The following NRG3 variants were observed in gnomAD, a reference collection of about 807,000 sequenced individuals.
NRG3 encodes the protein neuregulin 3.
NRG3 carries 31 observed loss-of-function variants against 66.9 expected under a neutral mutation model. The observed-to-expected ratio is 0.46, with a 90% CI of 0.35 to 0.63. The LOEUF (loss-of-function observed/expected upper bound fraction) is 0.63. NRG3 is among the 20% of genes least tolerant of loss of function. NRG3 has a pLI of 0.00. For synonymous variants in NRG3, 393 were observed against 359.4 expected, an observed-to-expected ratio of 1.09 and a Z score of -1.06; for missense variants, 910 against 878.9, an observed-to-expected ratio of 1.04 and a Z score of -0.45.
intron 4 of NRG3, among the ~76,000 whole-genome samples, chr10:82,943,939 A>G (rs1459795071): frequency 6.6e-6 from 1 of 152,218 alleles, no homozygotes; most frequent in Non-Finnish European, 1.5e-5. Context: ...GCCTTTATGT[A>G]GGGAGGAAAT....
chr10:81,945,429 A>C (rs1366078408), intron 1 of NRG3, among the ~76,000 whole-genome samples: 1 of 152,152 alleles, frequency 6.6e-6, no homozygotes, highest in Non-Finnish European at 1.5e-5. Flanking sequence ...TAAGAGCCTT[A>C]ACCATAACAC....
chr10:82,743,790 A>C (rs1004449798), intron 3 of NRG3, among the ~76,000 whole-genome samples: 2 of 152,172 alleles, frequency 1.3e-5, no homozygotes, highest in Non-Finnish European at 2.9e-5. Flanking sequence ...AAGCAGACAC[A>C]AGGAGATTTT....
intron 2 of NRG3, among the ~76,000 whole-genome samples, chr10:82,556,201 T>C (rs921841360): frequency 6.6e-6 from 1 of 152,194 alleles, no homozygotes; most frequent in African/African-American, 2.4e-5. Context: ...AGCCTATTTT[T>C]TTTTCTATTC....
At chr10:82,612,572 A>C (rs2048381253) in intron 2 of NRG3, among the ~76,000 whole-genome samples, 1 of 152,188 alleles carries the variant, frequency 6.6e-6, no homozygotes, top group Non-Finnish European at 1.5e-5. Flanking sequence ...ATACTCTAAA[A>C]GTTCTCAAAA....
intron 6 of NRG3, among the ~76,000 whole-genome samples, chr10:82,960,015 G>C (rs946275542): frequency 3.3e-5 from 5 of 152,330 alleles, no homozygotes; most frequent in Admixed American, 1.3e-4. Context: ...CCTAGCATTT[G>C]AGTATAATAG....
intron 1 of NRG3, among the ~76,000 whole-genome samples, chr10:82,029,398 G>T (rs2062462682): frequency 1.3e-5 from 2 of 152,008 alleles, no homozygotes; most frequent in Admixed American, 1.3e-4. Context: ...AAAGTGTTTG[G>T]CATGTAGTAA....
intron 2 of NRG3, among the ~76,000 whole-genome samples, chr10:82,573,648 T>C (rs138131730): frequency 6.6e-4 from 100 of 151,896 alleles, no homozygotes; most frequent in African/African-American, 2.3e-3. Flanking sequence ...ATAGGAGATG[T>C]AGAGATTAGA....
chr10:82,974,037 C>T (rs1354214874), intron 7 of NRG3, 122 bp downstream of exon 7: 1 of 1,101,406 alleles, frequency 9.1e-7, no homozygotes, highest in African/African-American at 1.6e-5. Context: ...TCCTGTAGTT[C>T]TCTGTGGAGT....
intron 2 of NRG3, among the ~76,000 whole-genome samples, chr10:82,632,095 C>A (rs1458478655): frequency 6.6e-6 from 1 of 152,098 alleles, no homozygotes; most frequent in African/African-American, 2.4e-5. Context: ...AAGAGCAAAA[C>A]CCTGTCTCAA....
chr10:81,925,421 A>G (rs148631165), intron 1 of NRG3, among the ~76,000 whole-genome samples: 83 of 152,318 alleles, frequency 5.4e-4, no homozygotes, highest in African/African-American at 1.9e-3. Flanking sequence ...AAGACCTAAC[A>G]TGGCATGATG....
chr10:82,504,040 A>G (rs1844446402), intron 2 of NRG3, among the ~76,000 whole-genome samples: 1 of 152,194 alleles, frequency 6.6e-6, no homozygotes, highest in Non-Finnish European at 1.5e-5. Context: ...CCTGTAGAAG[A>G]TGAACCAAAG....
chr10:82,097,407 C>CATATATATATATCTGTAATAT (rs1203329556), intron 1 of NRG3, among the ~76,000 whole-genome samples: 1 of 139,394 alleles, frequency 7.2e-6, no homozygotes, highest in Non-Finnish European at 1.5e-5. Context: ...CTCCCAGATA[C>CATATATATATATCTGTAATAT]ATATATATAT....
chr10:82,668,825 C>T (rs1054464510), intron 2 of NRG3, among the ~76,000 whole-genome samples: 2 of 152,058 alleles, frequency 1.3e-5, no homozygotes, highest in Admixed American at 6.5e-5. Context: ...TAGAAGGAAA[C>T]GAGTATGAAT....
At chr10:82,059,247 T>G (rs1215847833) in intron 1 of NRG3, among the ~76,000 whole-genome samples, 1 of 152,200 alleles carries the variant, frequency 6.6e-6, no homozygotes, top group East Asian at 1.9e-4. Context: ...GCACTTTTTA[T>G]ACTGGATAGA....
chr10:82,169,128 A>G (rs985746453), intron 1 of NRG3, among the ~76,000 whole-genome samples: 2 of 152,118 alleles, frequency 1.3e-5, no homozygotes, highest in East Asian at 3.9e-4. Context: ...TATGTGAAGA[A>G]AGCGACGAGC....
At chr10:82,668,639 G>A (rs1486905471) in intron 2 of NRG3, among the ~76,000 whole-genome samples, 1 of 152,118 alleles carries the variant, frequency 6.6e-6, no homozygotes, top group African/African-American at 2.4e-5. Context: ...TTCATATTTA[G>A]GACCAAGTTT....
At chr10:82,786,615 A>T (rs778414404) in intron 3 of NRG3, among the ~76,000 whole-genome samples, 18 of 152,044 alleles carry the variant, frequency 1.2e-4, no homozygotes, top group Non-Finnish European at 2.5e-4. Flanking sequence ...CTGGATTTTG[A>T]ACTTTTGAGG....
intron 2 of NRG3, among the ~76,000 whole-genome samples, chr10:82,682,363 A>G (rs1369950081): frequency 2.6e-5 from 4 of 151,824 alleles, no homozygotes; most frequent in African/African-American, 9.7e-5. Flanking sequence ...GATAAGATAG[A>G]TGGATAGATA....
chr10:82,877,826 G>A (rs1026181826), intron 4 of NRG3, among the ~76,000 whole-genome samples: 1 of 152,146 alleles, frequency 6.6e-6, no homozygotes, highest in Non-Finnish European at 1.5e-5. Context: ...TGACACACAT[G>A]AACATAAATA....
Sources: allele counts gnomAD v4.1 joint callset (sites outside exome capture counted in the v4.1 genomes callset), GRCh38; gene constraint gnomAD v4.1.1; transcripts MANE v1.5; gene names NCBI Gene and HGNC (gene_info 2026-07-23, HGNC 2026-07-21).